Variants in ATP13A5 observed in about 807,000 individuals in gnomAD.
ATP13A5 encodes ATPase 13A5.
Under a neutral mutation model 150.2 loss-of-function variants are expected in ATP13A5, and 149 were observed. The ratio of observed to expected loss-of-function variants is 0.99; its 90% confidence interval spans 0.87 to 1.14. The LOEUF (loss-of-function observed/expected upper bound fraction) is 1.14, where lower values mean the gene tolerates loss of function less well. ATP13A5 is among the 50% of genes most tolerant of loss of function. The pLI, the probability that ATP13A5 is intolerant of heterozygous loss-of-function variation, is 0.00. For missense variants in ATP13A5, 1,383 were observed against 1,449.3 expected, an observed-to-expected ratio of 0.95 and a Z score of 0.74; for synonymous variants, 497 against 522.2, an observed-to-expected ratio of 0.95 and a Z score of 0.66.
chr3:193,340,007 A>G (rs1712054490), intron 9 of ATP13A5, among the ~76,000 whole-genome samples: 1 of 152,204 alleles, frequency 6.6e-6, no homozygotes, highest in African/African-American at 2.4e-5. Context: ...TGCTATTTGC[A>G]TATTAATAAG....
At chr3:193,356,037 C>G (rs540790703) in intron 5 of ATP13A5, among the ~76,000 whole-genome samples, 1 of 152,174 alleles carries the variant, frequency 6.6e-6, no homozygotes, top group African/African-American at 2.4e-5. Context: ...TCCACAACTT[C>G]GTATGTCTAC....
At position 193,345,056 on chromosome 3, in the gene ATP13A5, T is replaced by G. The variant is rs779907014; in HGVS notation, c.761A>C (p.Asn254Thr). 4 of 1,613,692 alleles carry G rather than the reference T, an allele frequency of 2.5e-6. No individual in the cohort carries two copies. Among genetic ancestry groups the G allele is most frequent in the Non-Finnish European group, 3.4e-6 (4 of 1,179,680 alleles). ...DLRQQSVKLH[N>T]LVEDHNKVQV... Reference sequence around the variant, plus strand: ...GACTTTGTTGTGGTCCTCCACGAGGTTATGCAGCTTAACTGATTGCTACCA... The same window carrying G: ...GACTTTGTTGTGGTCCTCCACGAGGGTATGCAGCTTAACTGATTGCTACCA... Residue 254 changes from asparagine (N) to threonine (T), a missense_variant, in exon 8 of 30, where the codon AAC (asparagine) becomes ACC (threonine). Physicochemically the swap from Asn to Thr is moderately conservative, Grantham distance 65 (BLOSUM62 0). Coordinates refer to ENST00000342358, the MANE Select transcript of ATP13A5 (RefSeq NM_198505.4).
intron 7 of ATP13A5, among the ~76,000 whole-genome samples, chr3:193,350,423 A>G (rs1174306766): frequency 2.0e-5 from 3 of 152,184 alleles, no homozygotes; most frequent in African/African-American, 7.2e-5. Context: ...TGATTTAATA[A>G]GCCAGAAGCT....
chr3:193,318,880 C>T, intron 17 of ATP13A5, 111 bp downstream of exon 17: 1 of 757,700 alleles, frequency 1.3e-6, no homozygotes, highest in South Asian at 1.6e-5. Context: ...AAGATTAATT[C>T]TCTGTCTCTG....
chr3:193,353,418 A>G (rs1425383159), intron 6 of ATP13A5, among the ~76,000 whole-genome samples: 1 of 152,226 alleles, frequency 6.6e-6, no homozygotes, highest in Admixed American at 6.5e-5. Flanking sequence ...AAATGAAAAT[A>G]ATAAAGCCAT....
At chr3:193,324,714 G>A (rs185838432) in intron 14 of ATP13A5, 150 bp downstream of exon 14, 1 of 782,304 alleles carries the variant, frequency 1.3e-6, no homozygotes, top group Non-Finnish European at 2.0e-6. Flanking sequence ...ATTCTTTGGG[G>A]GCACAGGTTG....
chr3:193,328,326 G>A (rs754761040), intron 12 of ATP13A5, among the ~76,000 whole-genome samples: 5 of 152,314 alleles, frequency 3.3e-5, no homozygotes, highest in Middle Eastern at 3.4e-3. Context: ...GCTAACACAC[G>A]AGTGAATTAT....
rs2108884929 is a variant in ATP13A5, at chr3:193,343,977, TC to T, written c.892del (p.Asp298MetfsTer4). 6.2e-7 allele frequency: 1 copy of T among 1,613,434 alleles called. No homozygotes were observed. The highest frequency in any genetic ancestry group is 8.5e-7 in the Non-Finnish European group (1 of 1,179,608). Reference protein sequence around the residue: ...ILPGKFSLPCDAVLIDGSCVV... With the variant: ...ILPGKFSLPCXAVLIDGSCVV... ...GCAGCTTCCATCAATCAAAACAGCATCACATGGCAATGAAAATTTTCCTGGA... is the reference window on the plus strand; with the variant it reads ...GCAGCTTCCATCAATCAAAACAGCATACATGGCAATGAAAATTTTCCTGGA... On this transcript the variant is annotated frameshift_variant, in exon 9 of 30. Transcript: ENST00000342358. LOFTEE classifies it high-confidence loss of function.
chr3:193,336,002 T>A (rs1711844004), intron 9 of ATP13A5, among the ~76,000 whole-genome samples: 2 of 152,190 alleles, frequency 1.3e-5, no homozygotes, highest in South Asian at 2.1e-4. Context: ...GCTCCAAGAT[T>A]TAAAGAGTAT....
intron 19 of ATP13A5, chr3:193,313,815 T>A (rs1192613510): frequency 2.3e-5 from 11 of 482,664 alleles, no homozygotes; most frequent in African/African-American, 7.8e-5. Context: ...GGGGTTCTGA[T>A]TTAATTGGTG....
chr3:193,364,137 T>C lies in ATP13A5; in HGVS notation c.207A>G (p.Gln69=). ...VWANCIPCPL[Q]EADTVLLRTT... ...TCCTCAGCAAAACAGTGTCTGCTTC[T>C]TGCAAGGGGCATGGGATGCAGTTGG... Residue 69 remains glutamine (Q), a synonymous_variant, in exon 2 of 30, where the codon CAA becomes CAG. Coordinates refer to ENST00000342358, the MANE Select transcript of ATP13A5 (RefSeq NM_198505.4). 6.2e-7 allele frequency: 1 copy of C among 1,614,042 alleles called. No individual in the cohort carries two copies. The highest frequency in any genetic ancestry group is 8.5e-7 in the Non-Finnish European group (1 of 1,179,954).
intron 1 of ATP13A5, among the ~76,000 whole-genome samples, chr3:193,376,549 T>C (rs547285245): frequency 1.3e-5 from 2 of 152,216 alleles, no homozygotes; most frequent in South Asian, 4.2e-4. Context: ...CAACTTTTAT[T>C]TTAAGTTCAG....
intron 17 of ATP13A5, among the ~76,000 whole-genome samples, chr3:193,315,958 C>T (rs1428828566): frequency 6.6e-6 from 1 of 152,002 alleles, no homozygotes; most frequent in Non-Finnish European, 1.5e-5. Flanking sequence ...CTTCCTATTT[C>T]CCCCTCCCCC....
intron 25 of ATP13A5, among the ~76,000 whole-genome samples, chr3:193,297,236 C>T (rs1718210197): frequency 1.3e-5 from 2 of 151,996 alleles, no homozygotes; most frequent in Admixed American, 1.3e-4. Context: ...GAAGAAGAGA[C>T]CATGGCCTTC....
At position 193,345,002 on chromosome 3, in the gene ATP13A5, C is replaced by T. The variant is rs1712279289; in HGVS notation, c.814+1G>A. 2.5e-6 allele frequency: 4 copies of T among 1,612,812 alleles called. No individual in the cohort carries two copies. Among genetic ancestry groups the T allele is most frequent in the African/African-American group, 1.3e-5 (1 of 75,014 alleles). On this transcript the variant is annotated splice_donor_variant, in intron 8 of 29. Coordinates refer to ENST00000342358, the MANE Select transcript of ATP13A5 (RefSeq NM_198505.4). LOFTEE classifies it high-confidence loss of function. ...TGAAGATGGCCTAACACATCACTTACCTTTGTCTTTTACAATGATTGTAAC... is the reference window on the plus strand; with the variant it reads ...TGAAGATGGCCTAACACATCACTTATCTTTGTCTTTTACAATGATTGTAAC...
At chr3:193,311,686 T>C in intron 20 of ATP13A5, 130 bp downstream of exon 20, 1 of 1,306,696 alleles carries the variant, frequency 7.7e-7, no homozygotes, top group Admixed American at 2.6e-5. Context: ...TCAGGAGCAG[T>C]ACTCCTTTGG....
In ATP13A5 at chr3:193,364,300, G is replaced by T; in HGVS notation, c.64-20C>A. On this transcript the variant is annotated intron_variant, in intron 1 of 29. Transcript: ENST00000342358. ...CACCTCCTGGAGAATAAATTTAAAA[G>T]ATCGCTCTATTTTTCTTTTCTTCAC... 6.3e-7 allele frequency: 1 copy of T among 1,599,294 alleles called. No homozygotes were observed. Among genetic ancestry groups the T allele is most frequent in the Non-Finnish European group, 8.5e-7 (1 of 1,172,592 alleles).
At chr3:193,300,992 A>T (rs1718376176) in intron 24 of ATP13A5, among the ~76,000 whole-genome samples, 1 of 152,218 alleles carries the variant, frequency 6.6e-6, no homozygotes, top group Non-Finnish European at 1.5e-5. Flanking sequence ...TCAGGTTATC[A>T]AGAGAAAAAC....
intron 7 of ATP13A5, among the ~76,000 whole-genome samples, chr3:193,345,559 AG>A (rs1712305030): frequency 6.6e-6 from 1 of 152,164 alleles, no homozygotes; most frequent in South Asian, 2.1e-4. Flanking sequence ...GATTGGTTAC[AG>A]GTTGGTGTTT....
Sources: allele counts gnomAD v4.1 joint callset (sites outside exome capture counted in the v4.1 genomes callset), GRCh38; gene constraint gnomAD v4.1.1; transcripts MANE v1.5; gene names NCBI Gene and HGNC (gene_info 2026-07-23, HGNC 2026-07-21).